The following FOXP1 variants were observed in gnomAD, a reference collection of about 807,000 sequenced individuals.
FOXP1 encodes the protein forkhead box protein P1.
FOXP1 carries 15 observed loss-of-function variants against 98.2 expected under a neutral mutation model. The ratio of observed to expected loss-of-function variants is 0.15; its 90% CI spans 0.10 to 0.24. The LOEUF (loss-of-function observed/expected upper bound fraction) is 0.24, where lower values mean the gene tolerates loss of function less well. Ranked by LOEUF, FOXP1 falls within the 10% of genes least tolerant of loss-of-function variation. The probability of loss-of-function intolerance (pLI) is 1.00; values close to 1 mark genes in which losing one functional copy is unlikely to be tolerated. For synonymous variants in FOXP1, 371 were observed against 314.5 expected (o/e 1.18, Z -1.90); for missense variants, 633 against 848.5 (o/e 0.75, Z 3.15).
At chr3:71,421,285 TA>T (rs11303167) in intron 3 of FOXP1, among the ~76,000 whole-genome samples, 41,346 of 151,994 alleles carry the variant, frequency 0.27, 6,546 homozygotes, top group Non-Finnish European at 0.37. Flanking sequence ...GACATCAGGA[TA>T]AAAAAAATTA....
At chr3:71,124,454 A>C (rs1228144386) in intron 6 of FOXP1, among the ~76,000 whole-genome samples, 1 of 151,924 alleles carries the variant, frequency 6.6e-6, no homozygotes, top group Non-Finnish European at 1.5e-5. Flanking sequence ...AAGTATGTAA[A>C]ATAACTACAA....
chr3:71,479,662 A>G (rs2090117632), intron 3 of FOXP1, among the ~76,000 whole-genome samples: 1 of 150,846 alleles, frequency 6.6e-6, no homozygotes, highest in Non-Finnish European at 1.5e-5. Context: ...CTCGGAAACA[A>G]GAGCAAAACA....
At chr3:71,170,247 T>G (rs2061584127) in intron 6 of FOXP1, among the ~76,000 whole-genome samples, 1 of 152,214 alleles carries the variant, frequency 6.6e-6, no homozygotes, top group African/African-American at 2.4e-5. Context: ...TAAAGTGAAC[T>G]GCAAAACACT....
intron 3 of FOXP1, among the ~76,000 whole-genome samples, chr3:71,431,667 T>C (rs778240706): frequency 3.3e-5 from 5 of 152,218 alleles, no homozygotes; most frequent in African/African-American, 4.8e-5. Flanking sequence ...CAAAGGTATT[T>C]GCTAAAGTTA....
chr3:71,148,374 C>T (rs981674679), intron 6 of FOXP1, among the ~76,000 whole-genome samples: 5 of 140,910 alleles, frequency 3.5e-5, no homozygotes, highest in African/African-American at 7.6e-5. Context: ...GAACGAGACT[C>T]GGTCTCAAAA....
chr3:71,364,695 T>C (rs1413715529), intron 3 of FOXP1, among the ~76,000 whole-genome samples: 2 of 152,216 alleles, frequency 1.3e-5, no homozygotes, highest in African/African-American at 4.8e-5. Context: ...AAGTGTCACA[T>C]TGCAGTACAA....
At chr3:71,306,265 T>C (rs1212863199) in intron 4 of FOXP1, among the ~76,000 whole-genome samples, 1 of 152,022 alleles carries the variant, frequency 6.6e-6, no homozygotes, top group African/African-American at 2.4e-5. Context: ...TTAAAATGAA[T>C]TGTATTCATT....
At chr3:71,080,357 T>C (rs1159069153) in intron 7 of FOXP1, among the ~76,000 whole-genome samples, 1 of 152,120 alleles carries the variant, frequency 6.6e-6, no homozygotes, top group East Asian at 1.9e-4. Context: ...GAGATGAAAA[T>C]GAATCTCTGG....
At chr3:71,294,895 T>G (rs1340357146) in intron 5 of FOXP1, among the ~76,000 whole-genome samples, 2 of 152,104 alleles carry the variant, frequency 1.3e-5, no homozygotes, top group Non-Finnish European at 2.9e-5. Flanking sequence ...GGCAACAACA[T>G]AGCTTCAACC....
intron 3 of FOXP1, among the ~76,000 whole-genome samples, chr3:71,440,400 G>A (rs1042965467): frequency 4.5e-4 from 68 of 152,040 alleles, no homozygotes; most frequent in Middle Eastern, 3.4e-3. Flanking sequence ...ACACCGTGCC[G>A]GGCGCGGTGG....
intron 5 of FOXP1, among the ~76,000 whole-genome samples, chr3:71,218,689 G>A (rs1214861259): frequency 2.6e-5 from 4 of 152,160 alleles, no homozygotes; most frequent in African/African-American, 4.8e-5. Context: ...CAGCCCATCT[G>A]TAAACAAACG....
chr3:71,567,043 G>C (rs1449469516), intron 2 of FOXP1, among the ~76,000 whole-genome samples: 4 of 152,134 alleles, frequency 2.6e-5, no homozygotes, highest in South Asian at 2.1e-4. Context: ...GTGCTGGAAT[G>C]ATGAGGATAG....
At chr3:71,122,280 A>C (rs1032183832) in intron 6 of FOXP1, among the ~76,000 whole-genome samples, 2 of 152,188 alleles carry the variant, frequency 1.3e-5, no homozygotes, top group African/African-American at 4.8e-5. Flanking sequence ...TTGGGCAAAG[A>C]AGCAAAGAGT....
chr3:71,251,288 G>GA (rs1184305813), intron 5 of FOXP1, among the ~76,000 whole-genome samples: 1 of 152,176 alleles, frequency 6.6e-6, no homozygotes, highest in Non-Finnish European at 1.5e-5. Context: ...ATTTGGAAAC[G>GA]AGAGTAACAC....
intron 5 of FOXP1, among the ~76,000 whole-genome samples, chr3:71,251,367 C>G (rs994708592): frequency 6.6e-6 from 1 of 152,196 alleles, no homozygotes; most frequent in Non-Finnish European, 1.5e-5. Context: ...AAAATGCACA[C>G]AATTCAGGTG....
At chr3:71,499,457 T>C (rs2041168826) in intron 2 of FOXP1, among the ~76,000 whole-genome samples, 1 of 152,216 alleles carries the variant, frequency 6.6e-6, no homozygotes, top group Non-Finnish European at 1.5e-5. Context: ...CAAGTATACA[T>C]ATGTGCATAT....
In FOXP1 at chr3:71,114,301, G is replaced by A. The variant is rs546077004; in HGVS notation, c.181-1664C>T. Among the ~76,000 whole-genome samples, 45 of 152,280 alleles carry A rather than the reference G, an allele frequency of 3.0e-4. No homozygotes were observed. The East Asian group carries it at 7.0e-3, about 24-fold the overall frequency. ...ATGGAAGAGAGGTAAGGGGGCCTGC[G>A]TGTCCCTGTGCCTGGAACTCAGAAG... On this transcript the variant is annotated intron_variant, in intron 6 of 20. Transcript: ENST00000649528.
intron 6 of FOXP1, among the ~76,000 whole-genome samples, chr3:71,157,040 C>G (rs2060858872): frequency 1.3e-5 from 2 of 152,182 alleles, no homozygotes; most frequent in African/African-American, 4.8e-5. Flanking sequence ...ACAGGAAAAG[C>G]ACAAGAGAGT....
chr3:71,221,095 C>T (rs554236290), intron 5 of FOXP1, among the ~76,000 whole-genome samples: 2 of 152,206 alleles, frequency 1.3e-5, no homozygotes, highest in East Asian at 1.9e-4. Context: ...AGGAACCGGT[C>T]GGTAAAGCAG....
Sources: gnomAD v4.1 joint callset for allele counts (sites outside exome capture counted in the v4.1 genomes callset) on GRCh38, gnomAD v4.1.1 for gene constraint, MANE v1.5 for transcripts, NCBI Gene and HGNC (gene_info 2026-07-23, HGNC 2026-07-21) for gene names.